Variants in DLG2 observed in about 807,000 individuals in gnomAD.
The protein encoded by DLG2 is disks large homolog 2.
A neutral mutation model predicts 132.5 loss-of-function variants in DLG2; 45 were observed. That is an observed-to-expected ratio of 0.34 (90% confidence interval 0.27 to 0.44). The LOEUF (loss-of-function observed/expected upper bound fraction) is 0.44. Among genes scored for constraint, DLG2 ranks in the 20% least tolerant of loss-of-function variants. The pLI is 1.00. For missense variants in DLG2, 1,045 were observed against 1,196.9 expected (o/e 0.87, Z 1.87); for synonymous variants, 424 against 419.6 (o/e 1.01, Z -0.13).
At chr11:83,628,538 G>A (rs893414124) in intron 19 of DLG2, among the ~76,000 whole-genome samples, 1 of 152,104 alleles carries the variant, frequency 6.6e-6, no homozygotes, top group African/African-American at 2.4e-5. Context: ...CTATAAAATG[G>A]AGGCAATATC....
chr11:84,522,546 G>A (rs967485722), intron 7 of DLG2, among the ~76,000 whole-genome samples: 3 of 152,200 alleles, frequency 2.0e-5, no homozygotes, highest in African/African-American at 7.2e-5. Flanking sequence ...TGCCTTCAGA[G>A]TGACTTTGGT....
chr11:84,066,868 T>C (rs2096682079), intron 10 of DLG2, among the ~76,000 whole-genome samples: 1 of 152,194 alleles, frequency 6.6e-6, no homozygotes, highest in Non-Finnish European at 1.5e-5. Context: ...CCTTGCGCTT[T>C]ACTGTTTCTA....
chr11:85,008,780 T>C (rs572471826), intron 6 of DLG2, among the ~76,000 whole-genome samples: 1 of 151,976 alleles, frequency 6.6e-6, no homozygotes, highest in Non-Finnish European at 1.5e-5. Flanking sequence ...TCCAGTGGAA[T>C]GGAGACTAAC....
intron 17 of DLG2, among the ~76,000 whole-genome samples, chr11:83,791,747 A>C (rs2041614183): frequency 6.6e-6 from 1 of 152,198 alleles, no homozygotes; most frequent in Non-Finnish European, 1.5e-5. Context: ...CAGCTTGGGC[A>C]ACATAGGGAA....
At chr11:84,545,943 A>T (rs1349142198) in intron 6 of DLG2, among the ~76,000 whole-genome samples, 1 of 151,736 alleles carries the variant, frequency 6.6e-6, no homozygotes, top group Non-Finnish European at 1.5e-5. Context: ...TTTAGTAGAG[A>T]TGGGGTTTCG....
At chr11:84,656,185 G>A (rs141474911) in intron 6 of DLG2, among the ~76,000 whole-genome samples, 61 of 152,238 alleles carry the variant, frequency 4.0e-4, no homozygotes, top group African/African-American at 9.1e-4. Context: ...CGACAGGTTG[G>A]AATCATGATG....
At chr11:83,916,308 G>GTT (rs749700364) in intron 15 of DLG2, among the ~76,000 whole-genome samples, 1 of 148,218 alleles carries the variant, frequency 6.7e-6, no homozygotes, top group Non-Finnish European at 1.5e-5. Context: ...TAAATTTAGG[G>GTT]TTTTTTTTTT....
intron 6 of DLG2, among the ~76,000 whole-genome samples, chr11:84,773,446 A>C (rs2069780601): frequency 6.6e-6 from 1 of 152,192 alleles, no homozygotes; most frequent in African/African-American, 2.4e-5. Flanking sequence ...TCCTGCTACC[A>C]AAACCTGGCA....
chr11:84,675,395 A>G (rs2099710177), intron 6 of DLG2, among the ~76,000 whole-genome samples: 3 of 152,108 alleles, frequency 2.0e-5, no homozygotes, highest in Admixed American at 2.0e-4. Flanking sequence ...AGGCTCTGGG[A>G]AGGCTCTCCA....
chr11:84,733,755 G>GT (rs2063466258), intron 6 of DLG2, among the ~76,000 whole-genome samples: 1 of 152,138 alleles, frequency 6.6e-6, no homozygotes, highest in South Asian at 2.1e-4. Flanking sequence ...TTCTTCTAGG[G>GT]TTTTTATGGT....
chr11:84,067,881 C>T (rs1034391493), intron 10 of DLG2, among the ~76,000 whole-genome samples: 2 of 152,154 alleles, frequency 1.3e-5, no homozygotes, highest in African/African-American at 4.8e-5. Context: ...GTTTTAGAGG[C>T]ATCTGATATG....
At chr11:85,389,617 A>T (rs1169474855) in intron 3 of DLG2, among the ~76,000 whole-genome samples, 1 of 152,176 alleles carries the variant, frequency 6.6e-6, no homozygotes, top group African/African-American at 2.4e-5. Flanking sequence ...CAAAATCATC[A>T]GGTAATGTAT....
chr11:84,956,005 C>T (rs2051609429), intron 6 of DLG2, among the ~76,000 whole-genome samples: 1 of 152,144 alleles, frequency 6.6e-6, no homozygotes, highest in South Asian at 2.1e-4. Flanking sequence ...GGAAGCACTG[C>T]ATGTTTCCAG....
intron 10 of DLG2, among the ~76,000 whole-genome samples, chr11:84,072,957 T>C (rs1333932837): frequency 6.6e-6 from 1 of 152,176 alleles, no homozygotes; most frequent in African/African-American, 2.4e-5. Flanking sequence ...TGATGGATTG[T>C]ATGTGGGTAG....
intron 6 of DLG2, among the ~76,000 whole-genome samples, chr11:84,647,773 C>T (rs917541740): frequency 2.0e-5 from 3 of 152,118 alleles, no homozygotes; most frequent in East Asian, 1.9e-4. Flanking sequence ...GGGGCTAAAG[C>T]GGATCCTACT....
intron 6 of DLG2, among the ~76,000 whole-genome samples, chr11:84,676,535 G>T (rs1345788788): frequency 6.6e-6 from 1 of 151,974 alleles, no homozygotes; most frequent in Non-Finnish European, 1.5e-5. Context: ...GGGAAAGTAA[G>T]AAAAACACCA....
At chr11:83,851,520 G>C (rs1169936728) in intron 16 of DLG2, among the ~76,000 whole-genome samples, 3 of 149,778 alleles carry the variant, frequency 2.0e-5, no homozygotes, top group African/African-American at 7.4e-5. Context: ...CCAGCTACTC[G>C]GGAGGCTGAG....
chr11:83,600,502 TG>T (rs1345055234), intron 19 of DLG2, among the ~76,000 whole-genome samples: 1 of 152,216 alleles, frequency 6.6e-6, no homozygotes, highest in Non-Finnish European at 1.5e-5. Flanking sequence ...TTTGATGCTG[TG>T]GATTACTATC....
intron 3 of DLG2, among the ~76,000 whole-genome samples, chr11:85,465,307 A>T (rs1446909609): frequency 6.7e-6 from 1 of 149,638 alleles, no homozygotes; most frequent in East Asian, 2.0e-4. Flanking sequence ...CAACTGGCTA[A>T]TTTTTTTTTA....
Sources: allele counts gnomAD v4.1 joint callset (sites outside exome capture counted in the v4.1 genomes callset), GRCh38; gene constraint gnomAD v4.1.1; transcripts MANE v1.5; gene names NCBI Gene and HGNC (gene_info 2026-07-23, HGNC 2026-07-21).